SNX6: variants seen among roughly 807,000 people sequenced by gnomAD.
SNX6 encodes the protein sorting nexin 6, also known as sorting nexin-6.
In SNX6, 34 loss-of-function variants were observed where a neutral mutation model predicts 63.0. The observed-to-expected ratio is 0.54, with a 90% CI of 0.41 to 0.72. The LOEUF (loss-of-function observed/expected upper bound fraction) is 0.72. Among genes scored for constraint, SNX6 ranks in the 30% least tolerant of loss-of-function variants. SNX6 has a pLI of 0.00. For missense variants in SNX6, 398 were observed against 471.4 expected (o/e 0.84, Z 1.44); for synonymous variants, 170 against 164.2 (o/e 1.04, Z -0.27).
intron 2 of SNX6, among the ~76,000 whole-genome samples, chr14:34,623,563 G>A (rs886822778): frequency 2.0e-5 from 3 of 152,162 alleles, no homozygotes; most frequent in African/African-American, 7.2e-5. Context: ...AGAGACTAAG[G>A]AGAGGTACTG....
At chr14:34,613,495 T>G (rs1027166436) in intron 2 of SNX6, among the ~76,000 whole-genome samples, 1 of 152,118 alleles carries the variant, frequency 6.6e-6, no homozygotes, top group African/African-American at 2.4e-5. Flanking sequence ...GGTTGCTTGT[T>G]AAAAATACAG....
chr14:34,569,163 G>A, intron 11 of SNX6: 1 of 761,410 alleles, frequency 1.3e-6, no homozygotes, highest in South Asian at 1.4e-5. Flanking sequence ...CCAGCCAGGG[G>A]AAAGGGCTCA....
chr14:34,583,464 C>G (rs1329949748), intron 9 of SNX6, among the ~76,000 whole-genome samples: 1 of 137,990 alleles, frequency 7.2e-6, no homozygotes, highest in Non-Finnish European at 1.5e-5. Flanking sequence ...GATGGGCTAT[C>G]ATTCTGTCAC....
At chr14:34,576,740 T>C (rs1881724441) in intron 10 of SNX6, among the ~76,000 whole-genome samples, 1 of 151,406 alleles carries the variant, frequency 6.6e-6, no homozygotes, top group Non-Finnish European at 1.5e-5. Flanking sequence ...TGAACCACCA[T>C]GCCCAGTCAG....
chr14:34,573,667 C>A (rs1232967990), intron 11 of SNX6, among the ~76,000 whole-genome samples: 2 of 151,084 alleles, frequency 1.3e-5, no homozygotes, highest in Non-Finnish European at 2.9e-5. Context: ...GAGACGGAGT[C>A]TCGCTTTGTC....
At position 34,588,228 on chromosome 14, in the gene SNX6, C is replaced by T. The variant is rs113533219; in HGVS notation, c.719-1923G>A. ...TTCACCGTGCTAGCCAGGATGGTAT[C>T]GATCTCTTGACCTTGTGATCGGCCC... On this transcript the variant is annotated intron_variant, in intron 8 of 13. Coordinates refer to ENST00000362031, the MANE Select transcript of SNX6 (RefSeq NM_152233.4). Among the ~76,000 whole-genome samples, 65 of 152,138 alleles carry T rather than the reference C, an allele frequency of 4.3e-4. No individual in the cohort carries two copies. In the East Asian group the frequency reaches 0.01, roughly 24 times the overall value.
intron 2 of SNX6, among the ~76,000 whole-genome samples, chr14:34,623,118 A>T (rs1228874979): frequency 6.6e-6 from 1 of 152,102 alleles, no homozygotes; most frequent in East Asian, 1.9e-4. Flanking sequence ...GATCTTTTTA[A>T]TCCTCAGCCA....
chr14:34,598,907 G>T (rs1008478910), intron 6 of SNX6, among the ~76,000 whole-genome samples: 16 of 152,106 alleles, frequency 1.1e-4, no homozygotes, highest in Admixed American at 1.0e-3. Flanking sequence ...AAAAATAGGT[G>T]GGGCTTTTGA....
At position 34,597,647 on chromosome 14, in the gene SNX6, T is replaced by C; in HGVS notation, c.517-2A>G. 1 of 1,537,926 alleles carries C rather than the reference T, an allele frequency of 6.5e-7. No individual in the cohort carries two copies. Among genetic ancestry groups the C allele is most frequent in the Admixed American group, 1.7e-5 (1 of 58,286 alleles). ...TTTATTTTTTCCTCGCACACTCAAC[T>C]GAAAGAAAGGTAATTTAACATTTTT... On this transcript the variant is annotated splice_acceptor_variant, in intron 6 of 13. Coordinates refer to ENST00000362031, the MANE Select transcript of SNX6 (RefSeq NM_152233.4). LOFTEE classifies it high-confidence loss of function.
intron 2 of SNX6, among the ~76,000 whole-genome samples, chr14:34,627,059 G>A (rs180887323): frequency 2.0e-5 from 3 of 152,194 alleles, no homozygotes; most frequent in African/African-American, 7.2e-5. Flanking sequence ...CTGTCACCCT[G>A]GCTCTCTCAA....
intron 13 of SNX6, among the ~76,000 whole-genome samples, chr14:34,565,971 G>A (rs1487087329): frequency 2.0e-5 from 3 of 151,990 alleles, no homozygotes; most frequent in Non-Finnish European, 4.4e-5. Context: ...TTACAGGCGT[G>A]AGCCACCACG....
chr14:34,583,578 G>A (rs1882031549), intron 9 of SNX6, among the ~76,000 whole-genome samples: 2 of 151,624 alleles, frequency 1.3e-5, no homozygotes, highest in South Asian at 4.2e-4. Flanking sequence ...GACTGCACCT[G>A]CGAATAGCTA....
At chr14:34,578,795 T>C (rs185203178) in intron 10 of SNX6, among the ~76,000 whole-genome samples, 6 of 150,790 alleles carry the variant, frequency 4.0e-5, no homozygotes, top group African/African-American at 1.2e-4. Flanking sequence ...AAAAATTAGC[T>C]GGGCATGGAG....
At chr14:34,617,561 T>C (rs911248824) in intron 2 of SNX6, among the ~76,000 whole-genome samples, 6 of 145,652 alleles carry the variant, frequency 4.1e-5, no homozygotes, top group African/African-American at 1.6e-4. Context: ...TGGGCTGTGA[T>C]TGTGCCACTG....
chr14:34,620,043 T>A (rs1412340376), intron 2 of SNX6, among the ~76,000 whole-genome samples: 1 of 152,270 alleles, frequency 6.6e-6, no homozygotes, highest in East Asian at 1.9e-4. Flanking sequence ...ACATTTGGGC[T>A]GCTGAGTATG....
intron 5 of SNX6, 111 bp downstream of exon 5, chr14:34,605,485 G>C: frequency 1.2e-6 from 1 of 833,708 alleles, no homozygotes; most frequent in Non-Finnish European, 1.8e-6. Flanking sequence ...TTCCAGAAAG[G>C]GTTTAATGAT....
At chr14:34,602,773 G>A (rs1195359571) in intron 6 of SNX6, among the ~76,000 whole-genome samples, 4 of 151,558 alleles carry the variant, frequency 2.6e-5, no homozygotes, top group Middle Eastern at 3.4e-3. Flanking sequence ...TCAGGAGATC[G>A]AGACCATCCT....
chr14:34,576,226 C>T (rs549083008), intron 10 of SNX6, among the ~76,000 whole-genome samples: 1 of 151,732 alleles, frequency 6.6e-6, no homozygotes, highest in African/African-American at 2.4e-5. Flanking sequence ...CGCCCGGCCT[C>T]GTTTCCTTCT....
rs1880980122 is a variant in SNX6 at position 34,562,662 on chromosome 14, G to C, written c.*460C>G. The C allele has an allele frequency of 6.5e-6, 1 of 153,212 alleles. No individual in the cohort carries two copies. The highest frequency in any genetic ancestry group is 2.1e-4 in the South Asian group (1 of 4,854). 9.5% of individuals were successfully genotyped at this position (153,212 alleles called of 1,614,324 possible). On this transcript the variant is annotated 3_prime_UTR_variant, in exon 14 of 14. Coordinates refer to ENST00000362031, the MANE Select transcript of SNX6 (RefSeq NM_152233.4). ...TAAGTCTGATTAAGATGCTTTACCA[G>C]GATACATGAATGAACTAAGGTGGTA... is the stretch of plus-strand genomic sequence containing the variant.
Sources: gnomAD v4.1 joint callset for allele counts (sites outside exome capture counted in the v4.1 genomes callset) on GRCh38, gnomAD v4.1.1 for gene constraint, MANE v1.5 for transcripts, NCBI Gene and HGNC (gene_info 2026-07-23, HGNC 2026-07-21) for gene names.